BTRC: variants seen among roughly 807,000 people sequenced by gnomAD.
BTRC encodes the protein F-box/WD repeat-containing protein 1A.
In BTRC, 42 loss-of-function variants were observed where a neutral mutation model predicts 85.5. The ratio of observed to expected loss-of-function variants is 0.49; its 90% CI spans 0.38 to 0.64. The LOEUF (loss-of-function observed/expected upper bound fraction) is 0.64. Among genes scored for constraint, BTRC ranks in the 30% least tolerant of loss-of-function variants. The pLI, the probability that BTRC is intolerant of heterozygous loss-of-function variation, is 0.00. For missense variants in BTRC, 594 were observed against 743.5 expected (o/e 0.80, Z 2.34); for synonymous variants, 255 against 263.3 (o/e 0.97, Z 0.30).
intron 1 of BTRC, among the ~76,000 whole-genome samples, chr10:101,365,507 C>T (rs1272941517): frequency 6.6e-6 from 1 of 151,030 alleles, no homozygotes; most frequent in East Asian, 1.9e-4. Flanking sequence ...CGAAGTTTCG[C>T]TCTTGTTGCA....
intron 1 of BTRC, among the ~76,000 whole-genome samples, chr10:101,367,246 T>C (rs1942492661): frequency 6.7e-6 from 1 of 148,846 alleles, no homozygotes; most frequent in Non-Finnish European, 1.5e-5. Context: ...ATTTTTGTAT[T>C]TTTAGTAGAG....
intron 4 of BTRC, among the ~76,000 whole-genome samples, chr10:101,492,857 A>G (rs1946168306): frequency 6.6e-6 from 1 of 152,190 alleles, no homozygotes; most frequent in Non-Finnish European, 1.5e-5. Flanking sequence ...GTACTAATTA[A>G]TATAAACTTG....
chr10:101,421,188 C>T (rs922484661), intron 1 of BTRC, among the ~76,000 whole-genome samples: 5 of 151,998 alleles, frequency 3.3e-5, no homozygotes, highest in African/African-American at 1.2e-4. Flanking sequence ...GTTGATCCTT[C>T]TTTTGATGTA....
chr10:101,434,281 T>G (rs1944471218), intron 2 of BTRC, among the ~76,000 whole-genome samples: 1 of 152,204 alleles, frequency 6.6e-6, no homozygotes, highest in Non-Finnish European at 1.5e-5. Context: ...TTAGTTGCAG[T>G]ATGGTATCTG....
intron 1 of BTRC, among the ~76,000 whole-genome samples, chr10:101,388,920 G>A (rs1188871272): frequency 6.6e-6 from 1 of 152,024 alleles, no homozygotes; most frequent in Non-Finnish European, 1.5e-5. Context: ...TAGCCCTTGG[G>A]CCTTGGCCCT....
At chr10:101,368,087 T>C (rs1484996900) in intron 1 of BTRC, among the ~76,000 whole-genome samples, 1 of 152,206 alleles carries the variant, frequency 6.6e-6, no homozygotes, top group Non-Finnish European at 1.5e-5. Context: ...TGGGGCCTGG[T>C]GGGAGGTGTT....
At chr10:101,363,548 T>G (rs1159916540) in intron 1 of BTRC, among the ~76,000 whole-genome samples, 1 of 151,960 alleles carries the variant, frequency 6.6e-6, no homozygotes, top group Non-Finnish European at 1.5e-5. Flanking sequence ...CACCTCCACC[T>G]CCCGGGTTCA....
intron 1 of BTRC, among the ~76,000 whole-genome samples, chr10:101,356,383 A>C (rs555920028): frequency 1.3e-5 from 2 of 152,338 alleles, no homozygotes; most frequent in African/African-American, 4.8e-5. Flanking sequence ...AGACATTATG[A>C]GATCATCCTT....
intron 3 of BTRC, 59 bp downstream of exon 3, chr10:101,462,117 AGG>A (rs1554882195): frequency 8.3e-7 from 1 of 1,206,252 alleles, no homozygotes; most frequent in East Asian, 2.6e-5. Context: ...AAAAGACAGG[AGG>A]AAACCCTTGA....
At chr10:101,526,606 C>T (rs1028134235) in intron 6 of BTRC, among the ~76,000 whole-genome samples, 2 of 152,188 alleles carry the variant, frequency 1.3e-5, no homozygotes, top group Non-Finnish European at 2.9e-5. Flanking sequence ...GTGGCGAAAC[C>T]CCAACTCTAC....
intron 1 of BTRC, among the ~76,000 whole-genome samples, chr10:101,355,777 A>G (rs528822295): frequency 1.3e-5 from 2 of 152,328 alleles, no homozygotes; most frequent in East Asian, 3.9e-4. Context: ...ATCTAGTCAA[A>G]TTCACTAAAA....
At chr10:101,536,720 G>A (rs1012306878) in intron 12 of BTRC, 67 bp downstream of exon 12, 2 of 1,154,778 alleles carry the variant, frequency 1.7e-6, no homozygotes, top group Non-Finnish European at 2.5e-6. Context: ...TGTTTATGGT[G>A]TTAAACATAA....
At chr10:101,404,494 G>T (rs902481562) in intron 1 of BTRC, among the ~76,000 whole-genome samples, 4 of 152,050 alleles carry the variant, frequency 2.6e-5, no homozygotes, top group African/African-American at 9.7e-5. Context: ...ACTCAGTTTT[G>T]TTTAAATTGT....
intron 1 of BTRC, among the ~76,000 whole-genome samples, chr10:101,399,555 G>C (rs1943446747): frequency 6.6e-6 from 1 of 152,128 alleles, no homozygotes; most frequent in Admixed American, 6.5e-5. Flanking sequence ...CCTAGCTGTT[G>C]TTGCCCCACT....
intron 1 of BTRC, among the ~76,000 whole-genome samples, chr10:101,413,713 C>G (rs1028486570): frequency 1.3e-5 from 2 of 152,140 alleles, no homozygotes; most frequent in Non-Finnish European, 2.9e-5. Flanking sequence ...TGAGATATTT[C>G]ACAAAATTGA....
At chr10:101,463,891 TC>T (rs202008368) in intron 3 of BTRC, among the ~76,000 whole-genome samples, 87 of 151,862 alleles carry the variant, frequency 5.7e-4, no homozygotes, top group Non-Finnish European at 1.1e-3. Context: ...GATGAACACT[TC>T]TTTTTTTTAT....
intron 1 of BTRC, among the ~76,000 whole-genome samples, chr10:101,378,195 A>G (rs944696759): frequency 6.6e-6 from 1 of 152,150 alleles, no homozygotes; most frequent in Non-Finnish European, 1.5e-5. Context: ...TCCTTTGTAG[A>G]TCATCCCAAG....
At chr10:101,526,773 A>G (rs1036935910) in intron 6 of BTRC, among the ~76,000 whole-genome samples, 60 of 152,276 alleles carry the variant, frequency 3.9e-4, no homozygotes, top group African/African-American at 1.3e-3. Flanking sequence ...TTGTAATCAA[A>G]AATTATTTTT....
intron 1 of BTRC, among the ~76,000 whole-genome samples, chr10:101,423,885 C>T (rs1944175799): frequency 6.6e-6 from 1 of 152,172 alleles, no homozygotes; most frequent in South Asian, 2.1e-4. Context: ...AAGCCTATTC[C>T]TGGTGATGAT....
Sources: gnomAD v4.1 joint callset for allele counts (sites outside exome capture counted in the v4.1 genomes callset) on GRCh38, gnomAD v4.1.1 for gene constraint, MANE v1.5 for transcripts, NCBI Gene and HGNC (gene_info 2026-07-23, HGNC 2026-07-21) for gene names.